FBXW10B: variants seen among roughly 807,000 people sequenced by gnomAD.
FBXW10B encodes F-box and WD repeat domain containing 10B.
At chr17:15,612,504 A>T in the FBXW10B span, 12 of 322,114 alleles carry the variant, frequency 3.7e-5, no homozygotes, top group Non-Finnish European at 4.9e-5. Flanking sequence ...ACATAGTGAG[A>T]CTCCATCTCA....
At chr17:15,597,749 C>G in the FBXW10B span, among the ~76,000 whole-genome samples, 66 of 149,520 alleles carry the variant, frequency 4.4e-4, no homozygotes, top group South Asian at 0.014. Flanking sequence ...CCTCAGGCAA[C>G]AGGACAAGTG....
the FBXW10B span, among the ~76,000 whole-genome samples, chr17:15,577,119 A>G: frequency 2.0e-5 from 3 of 151,092 alleles, no homozygotes; most frequent in African/African-American, 7.3e-5. Context: ...CTTGGTGTGT[A>G]TATATTGCTA....
At chr17:15,572,481 G>A in the FBXW10B span, 2 of 152,312 alleles carry the variant, frequency 1.3e-5, no homozygotes, top group South Asian at 2.1e-4. Context: ...TACACTCTGT[G>A]CTAAATGCTG....
At chr17:15,574,610 GCTCA>G in the FBXW10B span, among the ~76,000 whole-genome samples, 1 of 119,938 alleles carries the variant, frequency 8.3e-6, no homozygotes, top group Non-Finnish European at 1.7e-5. Context: ...CATCCCAGAT[GCTCA>G]TGGATAAATC....
the FBXW10B span, among the ~76,000 whole-genome samples, chr17:15,602,622 G>C: frequency 1.1e-5 from 1 of 91,876 alleles, no homozygotes; most frequent in African/African-American, 5.9e-5. Context: ...TTTTGAGACC[G>C]AGTTTTTTTT....
the FBXW10B span, among the ~76,000 whole-genome samples, chr17:15,592,807 A>C: frequency 6.6e-6 from 1 of 152,054 alleles, no homozygotes; most frequent in Non-Finnish European, 1.5e-5. Flanking sequence ...CCTAGGATGA[A>C]TTAAGAGTCA....
chr17:15,592,324 G>A, the FBXW10B span, among the ~76,000 whole-genome samples: 2 of 126,406 alleles, frequency 1.6e-5, no homozygotes, highest in South Asian at 2.6e-4. Context: ...TTTTTTAGCA[G>A]CATGACTGAA....
At chr17:15,608,484 A>T in the FBXW10B span, among the ~76,000 whole-genome samples, 2 of 129,914 alleles carry the variant, frequency 1.5e-5, no homozygotes, top group Admixed American at 1.6e-4. Flanking sequence ...ACGGAGTTTC[A>T]CTCTTCTTAC....
At chr17:15,567,343 A>G in the FBXW10B span, among the ~76,000 whole-genome samples, 2 of 151,590 alleles carry the variant, frequency 1.3e-5, no homozygotes, top group Admixed American at 6.6e-5. Context: ...ACTCAAAAAG[A>G]GAATTTTTCT....
At chr17:15,582,476 TATTA>T in the FBXW10B span, among the ~76,000 whole-genome samples, 6 of 152,164 alleles carry the variant, frequency 3.9e-5, no homozygotes, top group East Asian at 1.9e-4. Context: ...ATAACCCACA[TATTA>T]ATTGATATAT....
the FBXW10B span, chr17:15,588,859 C>G: frequency 6.2e-7 from 1 of 1,614,162 alleles, no homozygotes. Context: ...CAGCCCGTTG[C>G]TAGCTGTGTC....
At chr17:15,577,861 A>G in the FBXW10B span, among the ~76,000 whole-genome samples, 2 of 151,878 alleles carry the variant, frequency 1.3e-5, no homozygotes, top group Non-Finnish European at 2.9e-5. Context: ...CTGAAAAAAC[A>G]CAGCATAAGG....
the FBXW10B span, chr17:15,613,765 C>T: frequency 2.4e-5 from 38 of 1,613,334 alleles, no homozygotes; most frequent in East Asian, 5.8e-4. Context: ...AAAAGATGGA[C>T]CCAGAAACCC....
chr17:15,593,518 G>A, the FBXW10B span: 2 of 1,612,692 alleles, frequency 1.2e-6, no homozygotes, highest in South Asian at 2.2e-5. Flanking sequence ...AGAGTAGCAG[G>A]CAGTACCCAT....
At chr17:15,605,652 A>G in the FBXW10B span, among the ~76,000 whole-genome samples, 1 of 152,210 alleles carries the variant, frequency 6.6e-6, no homozygotes, top group African/African-American at 2.4e-5. Context: ...CTAGAGACAC[A>G]AGGCAATTTT....
chr17:15,603,028 T>G, the FBXW10B span, among the ~76,000 whole-genome samples: 23,962 of 109,856 alleles, frequency 0.22, 4,132 homozygotes, highest in African/African-American at 0.44. Flanking sequence ...GAGATTACAG[T>G]CATGTGCCAC....
chr17:15,603,174 G>C, the FBXW10B span, among the ~76,000 whole-genome samples: 4 of 151,498 alleles, frequency 2.6e-5, no homozygotes, highest in Non-Finnish European at 4.4e-5. Context: ...GTGAGCCACC[G>C]CGCCTGGCCC....
At chr17:15,604,526 C>T in the FBXW10B span, among the ~76,000 whole-genome samples, 34 of 152,074 alleles carry the variant, frequency 2.2e-4, no homozygotes, top group African/African-American at 7.7e-4. Flanking sequence ...TAAAAATATA[C>T]ATATGTGGTT....
chr17:15,615,449 A>T, the FBXW10B span, among the ~76,000 whole-genome samples: 2 of 147,722 alleles, frequency 1.4e-5, no homozygotes, highest in African/African-American at 5.1e-5. Context: ...AGTAGCTGGG[A>T]CTACAGGTGC....
Sources: allele counts gnomAD v4.1 joint callset (sites outside exome capture counted in the v4.1 genomes callset), GRCh38; gene constraint gnomAD v4.1.1; transcripts MANE v1.5; gene names NCBI Gene and HGNC (gene_info 2026-07-23, HGNC 2026-07-21).